Variants in SNX15 observed in about 807,000 individuals in gnomAD.
The protein encoded by SNX15 is sorting nexin-15.
In SNX15, 29 loss-of-function variants were observed where a neutral mutation model predicts 35.2. The observed-to-expected ratio is 0.82, with a 90% CI of 0.61 to 1.12. The LOEUF is 1.12. SNX15 is among the 50% of genes most tolerant of loss of function. The probability of loss-of-function intolerance (pLI) is 0.00; values close to 1 mark genes in which losing one functional copy is unlikely to be tolerated. For synonymous variants in SNX15, 189 were observed against 188.2 expected, an observed-to-expected ratio of 1.00 and a Z score of -0.03; for missense variants, 400 against 451.5, an observed-to-expected ratio of 0.89 and a Z score of 1.03.
rs368024063 is a variant in SNX15 at position 65,038,758 on chromosome 11, A to G, written c.851A>G (p.Lys284Arg). Residue 284 changes from lysine (K) to arginine (R), a missense_variant, in exon 7 of 8, where the codon AAG becomes AGG. Coordinates refer to ENST00000377244, the MANE Select transcript of SNX15 (RefSeq NM_013306.5). Reference sequence around the variant, plus strand: ...ATCACCCAGGCCCTGCGGGATGAGAAGGCAGGCGCTTACGCTGCTGCACTC... The same window carrying G: ...ATCACCCAGGCCCTGCGGGATGAGAGGGCAGGCGCTTACGCTGCTGCACTC... ...ELITQALRDE[K>R]AGAYAAALQG... 70 of 1,601,322 alleles carry G rather than the reference A, an allele frequency of 4.4e-5. No individual in the cohort carries two copies. The highest frequency in any genetic ancestry group is 5.8e-5 in the Non-Finnish European group (68 of 1,174,536).
chr11:65,038,536 G>A (rs1203697075), intron 6 of SNX15, 36 bp from the exon 7 acceptor site: 1 of 1,508,272 alleles, frequency 6.6e-7, no homozygotes, highest in Admixed American at 2.3e-5. Context: ...GAAAGGAAGG[G>A]CCAGTCTGGT....
intron 2 of SNX15, 30 bp from the exon 3 acceptor site, chr11:65,032,401 G>A: frequency 6.2e-7 from 1 of 1,614,016 alleles, no homozygotes; most frequent in Non-Finnish European, 8.5e-7. Context: ...CACCATTGCT[G>A]GTTCTGGGCA....
chr11:65,036,532 C>G (rs1440972035), intron 6 of SNX15: 1 of 152,000 alleles, frequency 6.6e-6, no homozygotes, highest in Non-Finnish European at 1.5e-5. Flanking sequence ...GCGCGCACCA[C>G]GGTGCCTGCT....
chr11:65,032,668 G>A, intron 3 of SNX15, 117 bp downstream of exon 3: 2 of 1,281,322 alleles, frequency 1.6e-6, no homozygotes, highest in Non-Finnish European at 2.2e-6. Context: ...AGTCATGTTT[G>A]GAAGGGCCCT....
At chr11:65,028,062 T>C (rs1382717089) in intron 1 of SNX15, among the ~76,000 whole-genome samples, 7 of 152,162 alleles carry the variant, frequency 4.6e-5, no homozygotes, top group Non-Finnish European at 7.4e-5. Flanking sequence ...TTTCAAAAAA[T>C]AATACTGATC....
At chr11:65,028,334 T>TTA (rs1172199684) in intron 1 of SNX15, among the ~76,000 whole-genome samples, 1 of 151,846 alleles carries the variant, frequency 6.6e-6, no homozygotes, top group Non-Finnish European at 1.5e-5. Flanking sequence ...GGGACAGGAG[T>TTA]TAGGGGAAGA....
chr11:65,035,221 G>A lies in SNX15; in HGVS notation c.520+15G>A. 6.4e-7 allele frequency: 1 copy of A among 1,558,482 alleles called. No individual in the cohort carries two copies. ...GGAGGTGCCAGGTACATCGGGGTGGGAGGAGGGAACCAGGGCTGGAGGGTG... is the reference window on the plus strand; with the variant it reads ...GGAGGTGCCAGGTACATCGGGGTGGAAGGAGGGAACCAGGGCTGGAGGGTG... On this transcript the variant is annotated intron_variant, in intron 5 of 7. Coordinates refer to ENST00000377244, the MANE Select transcript of SNX15 (RefSeq NM_013306.5).
rs530524917 is a variant in SNX15, at chr11:65,039,676, C to T, written c.923-10C>T. The T allele has an allele frequency of 6.2e-7, 1 of 1,604,890 alleles. No homozygotes were observed. Among genetic ancestry groups the T allele is most frequent in the Non-Finnish European group, 8.5e-7 (1 of 1,173,132 alleles). On this transcript the variant is annotated splice_polypyrimidine_tract_variant and intron_variant, in intron 7 of 7. Coordinates refer to ENST00000377244, the MANE Select transcript of SNX15 (RefSeq NM_013306.5). Reference sequence around the variant, plus strand: ...CCCAGGTGCCTCAGCTGAGCATTCTCTCTCCACAGGTGACCCGTTGCCTGC... The same window carrying T: ...CCCAGGTGCCTCAGCTGAGCATTCTTTCTCCACAGGTGACCCGTTGCCTGC...
intron 5 of SNX15, 23 bp from the exon 6 acceptor site, chr11:65,035,497 G>A: frequency 1.3e-6 from 2 of 1,561,752 alleles, no homozygotes; most frequent in South Asian, 1.2e-5. Flanking sequence ...AGGTATTCAT[G>A]ACCCCACTTA....
chr11:65,028,582 T>C (rs1426549545), intron 1 of SNX15, among the ~76,000 whole-genome samples: 1 of 150,222 alleles, frequency 6.7e-6, no homozygotes, highest in East Asian at 1.9e-4. Flanking sequence ...CCCAGCACTT[T>C]GGGAGGCTGA....
rs867031845 is a variant in SNX15, at chr11:65,039,635, G to C, written c.923-51G>C. On this transcript the variant is annotated intron_variant, in intron 7 of 7. Transcript: ENST00000377244. The stretch of plus-strand genomic sequence containing the variant: ...TGTAAAGGACCCGACCAGGGGTTCT[G>C]ACCAGGCCAGTGGTGCCCAGGTGCC... The C allele has an allele frequency of 2.5e-5, 31 of 1,263,736 alleles. 1 individual carries two copies. In the Middle Eastern group the frequency reaches 4.9e-3, roughly 198 times the overall value. 78.3% of individuals were successfully genotyped at this position (1,263,736 alleles called of 1,614,324 possible). A position where few individuals can be genotyped will look rare whatever the true frequency, so the allele number is the denominator to read the frequency against.
chr11:65,038,346 A>G (rs1946526966), intron 6 of SNX15: 1 of 1,175,398 alleles, frequency 8.5e-7, no homozygotes, highest in Non-Finnish European at 1.1e-6. Flanking sequence ...ACCTAAAGAC[A>G]TAATTAGGAA....
At chr11:65,035,838 A>G in intron 6 of SNX15, 175 bp downstream of exon 6, 2 of 608,392 alleles carry the variant, frequency 3.3e-6, no homozygotes, top group Non-Finnish European at 5.3e-6. Context: ...GCCCTGTGCC[A>G]GGGCACGTGG....
Position 65,027,611 on chromosome 11 carries a change from A to C in SNX15, c.74A>C (p.Tyr25Ser), listed in dbSNP as rs751024202. 1 of 1,613,974 alleles carries C rather than the reference A, an allele frequency of 6.2e-7. No homozygotes were observed. Among genetic ancestry groups the C allele is most frequent in the South Asian group, 1.1e-5 (1 of 91,080 alleles). ...GACCCCAGGACTCACCCCAAGGGCT[A>C]CACCGAGTACAAAGTAACCGCGCAG... ...VSDPRTHPKG[Y>S]TEYKVTAQFI... Residue 25 changes from tyrosine (Y) to serine (S), a missense_variant, in exon 1 of 8, where the codon TAC becomes TCC. Transcript: ENST00000377244.
Position 65,035,671 on chromosome 11 carries a change from G to T in SNX15, c.664+8G>T. On this transcript the variant is annotated splice_region_variant and intron_variant, in intron 6 of 7. Coordinates refer to ENST00000377244, the MANE Select transcript of SNX15 (RefSeq NM_013306.5). ...ACCCCTTCTCCAAGGAAGGTAATGA[G>T]CTGGGACAGCCGGGAAGGAGCCAGG... 1 of 1,596,792 alleles carries T rather than the reference G, an allele frequency of 6.3e-7. No individual in the cohort carries two copies.
chr11:65,038,793 C>T lies in SNX15; in HGVS notation c.886C>T (p.Arg296Ter), dbSNP rs201831551. ...TTACGCTGCTGCACTCCAGGGCTATCGAGACGGCGTGCACGTCTTGCTTCA... is the reference window on the plus strand; with the variant it reads ...TTACGCTGCTGCACTCCAGGGCTATTGAGACGGCGTGCACGTCTTGCTTCA... ...GAYAAALQGYRDGVHVLLQGV... is the reference protein window; with the variant it reads ...GAYAAALQGY The change falls in exon 7 of 8, where the codon CGA becomes TGA. Residue 296 changes from arginine (R) to a stop codon, truncating the protein, a stop_gained. Coordinates refer to ENST00000377244, the MANE Select transcript of SNX15 (RefSeq NM_013306.5). LOFTEE classifies it high-confidence loss of function. 8.3e-5 allele frequency: 132 copies of T among 1,597,128 alleles called. No homozygotes were observed. The highest frequency in any genetic ancestry group is 1.0e-4 in the Non-Finnish European group (123 of 1,172,360).
chr11:65,034,885 G>C lies in SNX15; in HGVS notation c.295G>C (p.Gly99Arg), dbSNP rs761201689. The change falls in exon 4 of 8, where the codon GGG becomes CGG. Residue 99 changes from glycine (G) to arginine (R), a missense_variant. Transcript: ENST00000377244. ...EASVIEERRK[G>R]AEDLLRFTVH... ...CTCAGTGATCGAGGAGCGGCGAAAG[G>C]GGGCAGAGGACCTGCTTCGCTTCAC... 18 of 1,613,936 alleles carry C rather than the reference G, an allele frequency of 1.1e-5. No individual in the cohort carries two copies. Among genetic ancestry groups the C allele is most frequent in the Admixed American group, 3.3e-5 (2 of 59,996 alleles).
Position 65,038,567 on chromosome 11 carries a change from T to C in SNX15, c.665-5T>C. On this transcript the variant is annotated splice_polypyrimidine_tract_variant and splice_region_variant and intron_variant, in intron 6 of 7. Transcript: ENST00000377244. ...CTGGTCCGAGTCCTCCCTTTCTAACTGCAGAAGGCGCAGCCCCCAGCCCCA... is the reference window on the plus strand; with the variant it reads ...CTGGTCCGAGTCCTCCCTTTCTAACCGCAGAAGGCGCAGCCCCCAGCCCCA... 1 of 1,524,164 alleles carries C rather than the reference T, an allele frequency of 6.6e-7. No individual in the cohort carries two copies. The highest frequency in any genetic ancestry group is 8.8e-7 in the Non-Finnish European group (1 of 1,137,824). 94.4% of individuals were successfully genotyped at this position (1,524,164 alleles called of 1,614,324 possible). A position where few individuals can be genotyped will look rare whatever the true frequency, so the allele number is the denominator to read the frequency against.
At position 65,035,664 on chromosome 11, in the gene SNX15, G is replaced by T; in HGVS notation, c.664+1G>T. On this transcript the variant is annotated splice_donor_variant, in intron 6 of 7. Coordinates refer to ENST00000377244, the MANE Select transcript of SNX15 (RefSeq NM_013306.5). LOFTEE classifies it high-confidence loss of function. ...CTCTTCGACCCCTTCTCCAAGGAAG[G>T]TAATGAGCTGGGACAGCCGGGAAGG... The T allele has an allele frequency of 6.2e-7, 1 of 1,600,780 alleles. No homozygotes were observed. Among genetic ancestry groups the T allele is most frequent in the Non-Finnish European group, 8.5e-7 (1 of 1,173,928 alleles).
Sources: allele counts gnomAD v4.1 joint callset (sites outside exome capture counted in the v4.1 genomes callset), GRCh38; gene constraint gnomAD v4.1.1; transcripts MANE v1.5; gene names NCBI Gene and HGNC (gene_info 2026-07-23, HGNC 2026-07-21).